TM9SF4: variants seen among roughly 807,000 people sequenced by gnomAD.
TM9SF4 encodes the protein transmembrane 9 superfamily member 4, also known as dinucleotide oxidase disulfide thiol exchanger 3 superfamily member 4.
TM9SF4 carries 26 observed loss-of-function variants against 90.4 expected under a neutral mutation model. The observed-to-expected ratio is 0.29, with a 90% CI of 0.21 to 0.40. The LOEUF is 0.40. TM9SF4 is among the 10% of genes least tolerant of loss of function. The pLI, the probability that TM9SF4 is intolerant of heterozygous loss-of-function variation, is 1.00. For missense variants in TM9SF4, 549 were observed against 834.8 expected (o/e 0.66, Z 4.22); for synonymous variants, 293 against 315.4 (o/e 0.93, Z 0.75).
intron 1 of TM9SF4, among the ~76,000 whole-genome samples, chr20:32,120,806 G>C (rs998191311): frequency 6.6e-6 from 1 of 152,164 alleles, no homozygotes; most frequent in African/African-American, 2.4e-5. Flanking sequence ...ATCTGATTAA[G>C]TTCCCTTCTA....
intron 17 of TM9SF4, among the ~76,000 whole-genome samples, chr20:32,163,641 T>G (rs562113580): frequency 1.5e-5 from 2 of 135,482 alleles, no homozygotes; most frequent in South Asian, 4.9e-4. Flanking sequence ...AGATGGAGAC[T>G]CGCTCTGTTG....
intron 1 of TM9SF4, among the ~76,000 whole-genome samples, chr20:32,124,876 C>T (rs1338212956): frequency 2.6e-5 from 4 of 152,166 alleles, no homozygotes; most frequent in East Asian, 3.8e-4. Flanking sequence ...TGTGAGCCAC[C>T]GCACCCAGCC....
At chr20:32,134,238 A>G (rs928286602) in intron 2 of TM9SF4, among the ~76,000 whole-genome samples, 12 of 152,058 alleles carry the variant, frequency 7.9e-5, no homozygotes, top group African/African-American at 1.2e-4. Flanking sequence ...CCACATAGCT[A>G]AGTATGTGAG....
chr20:32,159,892 CATG>C (rs2046989210), intron 15 of TM9SF4, 97 bp from the exon 16 acceptor site: 1 of 1,536,304 alleles, frequency 6.5e-7, no homozygotes. Flanking sequence ...CTGATGGTGT[CATG>C]ATGATGTGTC....
intron 13 of TM9SF4, 130 bp downstream of exon 13, chr20:32,155,316 C>T: frequency 1.2e-6 from 1 of 827,118 alleles, no homozygotes; most frequent in Non-Finnish European, 2.0e-6. Flanking sequence ...CGTTCCCAGC[C>T]ATGAGGGCAG....
chr20:32,138,404 G>C (rs529185661), intron 3 of TM9SF4, among the ~76,000 whole-genome samples: 9 of 152,132 alleles, frequency 5.9e-5, no homozygotes, highest in Non-Finnish European at 8.8e-5. Context: ...CAGAGTAGGC[G>C]GATCACCTGA....
At chr20:32,137,802 TA>T (rs1434202104) in intron 3 of TM9SF4, among the ~76,000 whole-genome samples, 1 of 152,212 alleles carries the variant, frequency 6.6e-6, no homozygotes, top group African/African-American at 2.4e-5. Flanking sequence ...TGCCTTAACT[TA>T]CTTAATTCTC....
intron 6 of TM9SF4, 90 bp from the exon 7 acceptor site, chr20:32,145,001 G>T (rs542229643): frequency 1.6e-6 from 2 of 1,242,544 alleles, no homozygotes; most frequent in African/African-American, 3.0e-5. Context: ...GGGTCTCCGC[G>T]ACAGGCAGCC....
chr20:32,158,083 A>C, intron 14 of TM9SF4, 114 bp downstream of exon 14: 1 of 1,378,602 alleles, frequency 7.3e-7, no homozygotes, highest in South Asian at 1.4e-5. Flanking sequence ...GCTCTAATAG[A>C]GTTTATGAAA....
intron 1 of TM9SF4, among the ~76,000 whole-genome samples, chr20:32,126,950 T>C (rs1410170792): frequency 6.6e-6 from 1 of 152,050 alleles, no homozygotes; most frequent in Non-Finnish European, 1.5e-5. Context: ...GCCAGGCTGG[T>C]CTCAAACTCC....
At chr20:32,122,236 C>T (rs1400210427) in intron 1 of TM9SF4, among the ~76,000 whole-genome samples, 3 of 83,580 alleles carry the variant, frequency 3.6e-5, no homozygotes, top group East Asian at 8.1e-4. Context: ...CCGGACGGGG[C>T]GGCTGGCCTG....
chr20:32,153,216 T>TCC (rs2046868824), intron 12 of TM9SF4, among the ~76,000 whole-genome samples: 7 of 152,200 alleles, frequency 4.6e-5, no homozygotes, highest in Admixed American at 4.6e-4. Flanking sequence ...AGGACCTTGG[T>TCC]ATAGCATTAG....
chr20:32,153,485 G>A (rs2046872457), intron 12 of TM9SF4, among the ~76,000 whole-genome samples: 1 of 152,192 alleles, frequency 6.6e-6, no homozygotes, highest in Non-Finnish European at 1.5e-5. Flanking sequence ...GTGGTGGCTT[G>A]TGCCTCTAAT....
In TM9SF4 at chr20:32,145,158, T is replaced by G. The variant is rs184704686; in HGVS notation, c.720T>G (p.Ile240Met). The G allele has an allele frequency of 3.1e-6, 5 of 1,614,156 alleles. No individual in the cohort carries two copies. Among genetic ancestry groups the G allele is most frequent in the Non-Finnish European group, 4.2e-6 (5 of 1,180,030 alleles). The change falls in exon 7 of 18, where the codon ATT becomes ATG. Residue 240 changes from isoleucine (I) to methionine (M), a missense_variant. Coordinates refer to ENST00000398022, the MANE Select transcript of TM9SF4 (RefSeq NM_014742.4). ...PEGTNSSPQE[I>M]DPTKENQLYF... ...GTACCAACTCCTCGCCCCAAGAAAT[T>G]GACCCCACCAAGGAGAATCAGCTGT...
At chr20:32,131,782 A>G (rs1336546642) in intron 1 of TM9SF4, among the ~76,000 whole-genome samples, 1 of 152,186 alleles carries the variant, frequency 6.6e-6, no homozygotes, top group Admixed American at 6.5e-5. Flanking sequence ...GGGGTGAAGC[A>G]CTATTATTAA....
chr20:32,126,787 G>A, intron 1 of TM9SF4, among the ~76,000 whole-genome samples: 1 of 151,362 alleles, frequency 6.6e-6, no homozygotes. Flanking sequence ...CCAGGCTGGA[G>A]TGCAATGGCA....
rs1318599072 is a variant in TM9SF4 at position 32,155,119 on chromosome 20, C to T, written c.1262C>T (p.Pro421Leu). 2 of 1,614,168 alleles carry T rather than the reference C, an allele frequency of 1.2e-6. No homozygotes were observed. Residue 421 changes from proline to leucine, a missense_variant, in exon 13 of 18, where the codon CCT becomes CTT. Physicochemically the swap from Pro to Leu is moderately conservative, Grantham distance 98. This residue lies in a region of TM9SF4 where 495 missense variants were observed against 711.7 expected (regional missense o/e 0.70). Transcript: ENST00000398022. ...TTGCTCCAGACGGCAACTCTGTACC[C>T]TGGTGTGGTTTTTGGCATCTGCTTC... ...KGAFCTATLY[P>L]GVVFGICFVL...
At position 32,165,758 on chromosome 20, in the gene TM9SF4, T is replaced by G; in HGVS notation, c.*314T>G. 3.4e-6 allele frequency: 1 copy of G among 297,612 alleles called. No homozygotes were observed. Among genetic ancestry groups the G allele is most frequent in the Non-Finnish European group, 6.5e-6 (1 of 154,556 alleles). 18.4% of individuals were successfully genotyped at this position (297,612 alleles called of 1,614,324 possible). ...GTGTATTTCTGGTTTGGATTTTTTTTTCCTTCTTTGTTTTAACAAATGGAT... is the reference window on the plus strand; with the variant it reads ...GTGTATTTCTGGTTTGGATTTTTTTGTCCTTCTTTGTTTTAACAAATGGAT... On this transcript the variant is annotated 3_prime_UTR_variant, in exon 18 of 18. Coordinates refer to ENST00000398022, the MANE Select transcript of TM9SF4 (RefSeq NM_014742.4).
intron 1 of TM9SF4, among the ~76,000 whole-genome samples, chr20:32,127,715 C>G (rs2046444276): frequency 6.6e-6 from 1 of 152,190 alleles, no homozygotes. Context: ...TCAGGATTTG[C>G]TTTTCATTCC....
Sources: allele counts gnomAD v4.1 joint callset (sites outside exome capture counted in the v4.1 genomes callset), GRCh38; gene constraint gnomAD v4.1.1; regional missense constraint gnomAD v4.1.1; transcripts MANE v1.5; gene names NCBI Gene and HGNC (gene_info 2026-07-23, HGNC 2026-07-21).